SLC25A23: variants seen among roughly 807,000 people sequenced by gnomAD.
The protein encoded by SLC25A23 is mitochondrial adenyl nucleotide antiporter SLC25A23.
A neutral mutation model predicts 53.9 loss-of-function variants in SLC25A23; 32 were observed. That is an observed-to-expected ratio of 0.59 (90% CI 0.45 to 0.80). The LOEUF (loss-of-function observed/expected upper bound fraction) is 0.80. Among genes scored for constraint, SLC25A23 ranks in the 30% least tolerant of loss-of-function variants. SLC25A23 has a pLI of 0.00. For missense variants in SLC25A23, 575 were observed against 651.4 expected (o/e 0.88, Z 1.28); for synonymous variants, 275 against 264.5 (o/e 1.04, Z -0.38).
At chr19:6,457,241 A>G (rs2092694846) in intron 3 of SLC25A23, among the ~76,000 whole-genome samples, 3 of 150,986 alleles carry the variant, frequency 2.0e-5, no homozygotes, top group South Asian at 4.2e-4. Context: ...CAATGTTTGT[A>G]TTTTTAGTAG....
Position 6,444,132 on chromosome 19 carries a change from C to T in SLC25A23, c.1222+19G>A, listed in dbSNP as rs1418341982. The T allele has an allele frequency of 4.5e-6, 7 of 1,542,702 alleles. No individual in the cohort carries two copies. Among genetic ancestry groups the T allele is most frequent in the Non-Finnish European group, 5.3e-6 (6 of 1,137,862 alleles). On this transcript the variant is annotated intron_variant, in intron 9 of 9. Transcript: ENST00000301454. ...AGCGATGAGACTCCCCCTGCCCCATCCTCCCGCCCAGGCCTCACCTTGTGC... is the reference window on the plus strand; with the variant it reads ...AGCGATGAGACTCCCCCTGCCCCATTCTCCCGCCCAGGCCTCACCTTGTGC...
chr19:6,458,899 G>A (rs1370459152), intron 1 of SLC25A23, among the ~76,000 whole-genome samples: 4 of 152,198 alleles, frequency 2.6e-5, no homozygotes, highest in Non-Finnish European at 5.9e-5. Flanking sequence ...GGTGTGGGAA[G>A]GACCTGCAAA....
intron 8 of SLC25A23, among the ~76,000 whole-genome samples, chr19:6,448,473 ATTT>A (rs72000629): frequency 1.4e-5 from 2 of 140,790 alleles, no homozygotes; most frequent in Non-Finnish European, 3.1e-5. Flanking sequence ...TAATCCCAGC[ATTT>A]TTTTTTTTTT....
In SLC25A23 at chr19:6,456,469, T is replaced by C; in HGVS notation, c.434A>G (p.His145Arg). 2 of 1,613,660 alleles carry C rather than the reference T, an allele frequency of 1.2e-6. No individual in the cohort carries two copies. Among genetic ancestry groups the C allele is most frequent in the Non-Finnish European group, 1.7e-6 (2 of 1,179,962 alleles). Residue 145 changes from histidine (H) to arginine (R), a missense_variant, in exon 4 of 10, where the codon CAT becomes CGT. Transcript: ENST00000301454. The stretch of plus-strand genomic sequence containing the variant: ...CACGTCCTCCACATTTTCCAGCGAA[T>C]GCAACAGGAAGTGGTCGCGCCATTC... ...WQEWRDHFLL[H>R]SLENVEDVLY...
At chr19:6,457,665 A>G in intron 2 of SLC25A23, 75 bp from the exon 3 acceptor site, 2 of 1,318,272 alleles carry the variant, frequency 1.5e-6, no homozygotes, top group Non-Finnish European at 2.2e-6. Context: ...AAGGATCAGA[A>G]CAGCTTGGAA....
intron 8 of SLC25A23, among the ~76,000 whole-genome samples, chr19:6,448,655 G>T (rs182215940): frequency 2.0e-3 from 298 of 151,208 alleles, no homozygotes; most frequent in Non-Finnish European, 3.3e-3. Context: ...ATTTTTAGTA[G>T]AAATGGGGTT....
intron 2 of SLC25A23, 82 bp from the exon 3 acceptor site, chr19:6,457,672 G>A: frequency 8.1e-7 from 1 of 1,234,216 alleles, no homozygotes. Context: ...AGAACAGCTT[G>A]GAATGGAGGT....
In SLC25A23 at chr19:6,441,736, G is replaced by A; in HGVS notation, c.*239C>T. 1 of 554,182 alleles carries A rather than the reference G, an allele frequency of 1.8e-6. No individual in the cohort carries two copies. Among genetic ancestry groups the A allele is most frequent in the Admixed American group, 3.2e-5 (1 of 31,732 alleles). 34.3% of individuals were successfully genotyped at this position (554,182 alleles called of 1,614,324 possible). Reference sequence around the variant, plus strand: ...ACAGTTATGGTTACAGGGGGATCTGGGATCTAGTGGCTGAAGGGTGGGGAT... The same window carrying A: ...ACAGTTATGGTTACAGGGGGATCTGAGATCTAGTGGCTGAAGGGTGGGGAT... On this transcript the variant is annotated 3_prime_UTR_variant, in exon 10 of 10. Coordinates refer to ENST00000301454, the MANE Select transcript of SLC25A23 (RefSeq NM_024103.3).
rs935838243 is a variant in SLC25A23 at position 6,459,234 on chromosome 19, C to A, written c.156+239G>T. On this transcript the variant is annotated intron_variant, in intron 1 of 9. Transcript: ENST00000301454. This position sits in a 1 kb window ranked among gnomAD's most constrained non-coding sequence, Gnocchi z 4.6. ...TCTCTTCCCAGGCAGACGCCCCCTG[C>A]CCCGCAGCAGGGGGATCGGGTGTTG... Among the ~76,000 whole-genome samples, 3 of 152,154 alleles carry A rather than the reference C, an allele frequency of 2.0e-5. No individual in the cohort carries two copies. Among genetic ancestry groups the A allele is most frequent in the African/African-American group, 7.2e-5 (3 of 41,428 alleles).
In SLC25A23 at chr19:6,454,298, C is replaced by G. The variant is rs148091799; in HGVS notation, c.795+25G>C. 51 of 1,604,990 alleles carry G rather than the reference C, an allele frequency of 3.2e-5. No individual in the cohort carries two copies. In the East Asian group the frequency reaches 1.1e-3, roughly 36 times the overall value. ...AGCCCAGTCTTCCCTATGGCAAGCA[C>G]ATTCCTCCCTGTACCTGCCCTCACC... is the stretch of plus-strand genomic sequence containing the variant. On this transcript the variant is annotated intron_variant, in intron 6 of 9. Transcript: ENST00000301454. The surrounding 1 kb of genome is among the most constrained non-coding windows in gnomAD (Gnocchi z 4.3).
At position 6,459,535 on chromosome 19, in the gene SLC25A23, G is replaced by A. The variant is rs2092732016; in HGVS notation, c.94C>T (p.His32Tyr). Reference protein sequence around the residue: ...DSNKDGRVDVHELRQGLARLG... With the variant: ...DSNKDGRVDVYELRQGLARLG... ...CTGGCCAGCCCCTGGCGCAACTCGT[G>A]CACGTCCACGCGGCCATCCTTGTTA... Residue 32 changes from histidine to tyrosine, a missense_variant, in exon 1 of 10, where the codon CAC (histidine) becomes TAC (tyrosine). His to Tyr is a moderately conservative substitution (Grantham distance 83). Coordinates refer to ENST00000301454, the MANE Select transcript of SLC25A23 (RefSeq NM_024103.3). The surrounding 1 kb of genome is among the most constrained non-coding windows in gnomAD (Gnocchi z 4.6). 6.3e-7 allele frequency: 1 copy of A among 1,598,956 alleles called. No homozygotes were observed. Among genetic ancestry groups the A allele is most frequent in the African/African-American group, 1.3e-5 (1 of 74,304 alleles).
At chr19:6,444,335 TG>T in intron 8 of SLC25A23, 34 bp from the exon 9 acceptor site, 1 of 826,928 alleles carries the variant, frequency 1.2e-6, no homozygotes, top group South Asian at 1.4e-5. Flanking sequence ...AGGGTTGGGG[TG>T]GGTGACCCTA....
At position 6,456,474 on chromosome 19, in the gene SLC25A23, C is replaced by T. The variant is rs375466548; in HGVS notation, c.429G>A (p.Leu143=). Residue 143 remains leucine (L), a synonymous_variant, in exon 4 of 10, where the codon CTG becomes CTA. Coordinates refer to ENST00000301454, the MANE Select transcript of SLC25A23 (RefSeq NM_024103.3). ...IDWQEWRDHF[L]LHSLENVEDV... The stretch of plus-strand genomic sequence containing the variant: ...CCTCCACATTTTCCAGCGAATGCAA[C>T]AGGAAGTGGTCGCGCCATTCTTGCC... 3.8e-5 allele frequency: 61 copies of T among 1,613,746 alleles called. No homozygotes were observed. The Middle Eastern group carries it at 4.9e-4, about 13-fold the overall frequency.
chr19:6,436,549 C>CTTT (rs1249190211), downstream of SLC25A23: 35 of 359,288 alleles, frequency 9.7e-5, no homozygotes, highest in East Asian at 1.6e-4. Context: ...GCGACAGTGT[C>CTTT]TTTTTTTTTT....
intron 8 of SLC25A23, among the ~76,000 whole-genome samples, chr19:6,448,573 C>A (rs935920655): frequency 4.6e-5 from 7 of 151,636 alleles, no homozygotes; most frequent in African/African-American, 7.3e-5. Context: ...TGGGTTCAAG[C>A]GATTCTCCTG....
At chr19:6,453,690 C>T (rs1481173926) in intron 7 of SLC25A23, among the ~76,000 whole-genome samples, 1 of 152,174 alleles carries the variant, frequency 6.6e-6, no homozygotes, top group Admixed American at 6.5e-5. Context: ...CTAGACACGA[C>T]GTCCCTGGGA....
downstream of SLC25A23, chr19:6,438,804 G>A (rs1044554496): frequency 4.0e-5 from 13 of 327,806 alleles, no homozygotes; most frequent in African/African-American, 1.7e-4. Flanking sequence ...ATCTGAAATC[G>A]AGCCACTGTA....
chr19:6,447,727 G>A (rs2092527023), intron 8 of SLC25A23, among the ~76,000 whole-genome samples: 1 of 151,720 alleles, frequency 6.6e-6, no homozygotes, highest in Non-Finnish European at 1.5e-5. Flanking sequence ...CTGGAGTGCA[G>A]CGGCACAATC....
downstream of SLC25A23, among the ~76,000 whole-genome samples, chr19:6,439,434 CAG>C (rs1555732581): frequency 7.3e-5 from 11 of 151,348 alleles, no homozygotes; most frequent in Admixed American, 4.6e-4. Context: ...CACACACACA[CAG>C]ACACACAAAT....
Sources: allele counts gnomAD v4.1 joint callset (sites outside exome capture counted in the v4.1 genomes callset), GRCh38; gene constraint gnomAD v4.1.1; non-coding constraint Gnocchi (gnomAD v3.1); transcripts MANE v1.5; gene names NCBI Gene and HGNC (gene_info 2026-07-23, HGNC 2026-07-21).